Variants in SLC5A4 observed in about 807,000 individuals in gnomAD.
The protein encoded by SLC5A4 is solute carrier family 5 member 4, also known as probable glucose sensor protein SLC5A4.
SLC5A4 carries 55 observed loss-of-function variants against 70.3 expected under a neutral mutation model. The ratio of observed to expected loss-of-function variants is 0.78; its 90% CI spans 0.63 to 0.98. The LOEUF (loss-of-function observed/expected upper bound fraction) is 0.98. SLC5A4 is among the 50% of genes least tolerant of loss of function. SLC5A4 has a pLI of 0.00. For missense variants in SLC5A4, 735 were observed against 839.2 expected, an observed-to-expected ratio of 0.88 and a Z score of 1.53; for synonymous variants, 268 against 305.7, an observed-to-expected ratio of 0.88 and a Z score of 1.29.
the SLC5A4 span, among the ~76,000 whole-genome samples, chr22:32,341,444 G>A: frequency 1.3e-5 from 2 of 152,142 alleles, no homozygotes; most frequent in East Asian, 1.9e-4. Flanking sequence ...CCTCTCTGCC[G>A]GGATGACCTT....
the SLC5A4 span, chr22:32,271,361 G>T: frequency 1.4e-6 from 1 of 739,944 alleles, no homozygotes; most frequent in South Asian, 1.5e-5. Context: ...TGCTGGTTGT[G>T]CTGGGCAGCC....
the SLC5A4 span, among the ~76,000 whole-genome samples, chr22:32,353,584 C>T: frequency 3.9e-5 from 6 of 152,018 alleles, no homozygotes; most frequent in East Asian, 3.9e-4. Context: ...AGGGGGGCAG[C>T]GCAGCCCCCA....
At chr22:32,246,295 C>G (rs1926824941) in intron 5 of SLC5A4, among the ~76,000 whole-genome samples, 1 of 152,194 alleles carries the variant, frequency 6.6e-6, no homozygotes, top group Non-Finnish European at 1.5e-5. Flanking sequence ...ACCTAAGCAG[C>G]TAGTTCACTT....
At chr22:32,352,659 C>A in the SLC5A4 span, among the ~76,000 whole-genome samples, 5 of 152,146 alleles carry the variant, frequency 3.3e-5, no homozygotes, top group Admixed American at 2.6e-4. Context: ...GGGCTGCCCC[C>A]CAACGCTCCG....
At chr22:32,266,036 A>G in the SLC5A4 span, among the ~76,000 whole-genome samples, 1 of 152,256 alleles carries the variant, frequency 6.6e-6, no homozygotes, top group Non-Finnish European at 1.5e-5. Context: ...AGGCCCCTAC[A>G]GGAAGAAACA....
the SLC5A4 span, among the ~76,000 whole-genome samples, chr22:32,323,386 C>G: frequency 6.6e-6 from 1 of 152,236 alleles, no homozygotes; most frequent in African/African-American, 2.4e-5. Flanking sequence ...AAGTCCCTTT[C>G]TTTCTACCAG....
At chr22:32,270,123 C>A in the SLC5A4 span, 1 of 557,574 alleles carries the variant, frequency 1.8e-6, no homozygotes, top group East Asian at 4.0e-5. Context: ...ATCCGTGTCA[C>A]AGGACGACAT....
intron 4 of SLC5A4, among the ~76,000 whole-genome samples, chr22:32,247,739 T>A (rs925058106): frequency 6.6e-6 from 1 of 152,174 alleles, no homozygotes; most frequent in African/African-American, 2.4e-5. Flanking sequence ...GACCCCCCCA[T>A]GGATAACTCC....
chr22:32,280,854 C>A, the SLC5A4 span, among the ~76,000 whole-genome samples: 52 of 151,978 alleles, frequency 3.4e-4, no homozygotes, highest in African/African-American at 1.2e-3. Context: ...TCAGGAGGTA[C>A]GGTTCAAGCT....
At chr22:32,295,213 A>C in the SLC5A4 span, among the ~76,000 whole-genome samples, 14 of 105,728 alleles carry the variant, frequency 1.3e-4, 4 homozygotes, top group Non-Finnish European at 2.7e-4. Context: ...TGGTATTTCT[A>C]GTTCTAGATC....
At chr22:32,321,281 C>T in the SLC5A4 span, among the ~76,000 whole-genome samples, 2 of 108,906 alleles carry the variant, frequency 1.8e-5, no homozygotes, top group Admixed American at 1.1e-4. Flanking sequence ...AATGAAACTC[C>T]GTCTCTAAAT....
intron 5 of SLC5A4, among the ~76,000 whole-genome samples, chr22:32,244,092 T>C (rs1926683020): frequency 6.6e-6 from 1 of 152,252 alleles, no homozygotes. Flanking sequence ...TCCCATGCGA[T>C]ACTGATGTTG....
intron 3 of SLC5A4, 109 bp downstream of exon 3, chr22:32,251,661 G>T: frequency 1.3e-6 from 1 of 775,288 alleles, no homozygotes; most frequent in Admixed American, 2.1e-5. Flanking sequence ...ATACATTTCT[G>T]TTCTTTATAA....
chr22:32,354,327 G>A, the SLC5A4 span, among the ~76,000 whole-genome samples: 3 of 150,120 alleles, frequency 2.0e-5, no homozygotes, highest in Admixed American at 6.6e-5. Context: ...ACCCTGTAAT[G>A]AGCCTAACCC....
At chr22:32,252,605 G>A (rs186838744) in intron 2 of SLC5A4, among the ~76,000 whole-genome samples, 1 of 152,190 alleles carries the variant, frequency 6.6e-6, no homozygotes, top group African/African-American at 2.4e-5. Flanking sequence ...TTACAATCTG[G>A]CCTTTTACAG....
chr22:32,237,111 G>C (rs1926105648), intron 7 of SLC5A4, 133 bp downstream of exon 7: 1 of 685,130 alleles, frequency 1.5e-6, no homozygotes, highest in Admixed American at 2.3e-5. Flanking sequence ...TTCAGTGATG[G>C]GGATTATGTA....
At chr22:32,339,051 T>C in the SLC5A4 span, among the ~76,000 whole-genome samples, 11 of 152,108 alleles carry the variant, frequency 7.2e-5, no homozygotes, top group Admixed American at 7.2e-4. Context: ...GACAACTCGG[T>C]GGCCGCTGAA....
chr22:32,264,569 TCAAAA>T, the SLC5A4 span, among the ~76,000 whole-genome samples: 1 of 151,838 alleles, frequency 6.6e-6, no homozygotes, highest in African/African-American at 2.4e-5. Flanking sequence ...AGACCCAGTC[TCAAAA>T]CAAAACAAAA....
chr22:32,269,924 C>T, the SLC5A4 span: 1 of 542,324 alleles, frequency 1.8e-6, no homozygotes, highest in South Asian at 1.5e-5. This position sits in a 1 kb window ranked among gnomAD's most constrained non-coding sequence, Gnocchi z 4.1. Context: ...GTCCTCACCA[C>T]CAGCATGGTC....
Sources: allele counts gnomAD v4.1 joint callset (sites outside exome capture counted in the v4.1 genomes callset), GRCh38; gene constraint gnomAD v4.1.1; non-coding constraint Gnocchi (gnomAD v3.1); transcripts MANE v1.5; gene names NCBI Gene and HGNC (gene_info 2026-07-23, HGNC 2026-07-21).